The following PITPNC1 variants were observed in gnomAD, a reference collection of about 807,000 sequenced individuals.
PITPNC1 encodes the protein phosphatidylinositol transfer protein cytoplasmic 1, also known as cytoplasmic phosphatidylinositol transfer protein 1.
In PITPNC1, 18 loss-of-function variants were observed where a neutral mutation model predicts 44.7. The ratio of observed to expected loss-of-function variants is 0.40; its 90% CI spans 0.28 to 0.60. PITPNC1 has a LOEUF of 0.60. PITPNC1 is among the 20% of genes least tolerant of loss of function. The pLI is 0.39. For synonymous variants in PITPNC1, 141 were observed against 149.6 expected, an observed-to-expected ratio of 0.94 and a Z score of 0.42; for missense variants, 290 against 418.4, an observed-to-expected ratio of 0.69 and a Z score of 2.68.
In PITPNC1 at chr17:67,444,813, C is replaced by T. The variant is rs1041819610; in HGVS notation, c.48+66611C>T. Among the ~76,000 whole-genome samples, 8 of 151,996 alleles carry T rather than the reference C, an allele frequency of 5.3e-5. 2 individuals carry two copies. Among genetic ancestry groups the T allele is most frequent in the Admixed American group, 6.6e-5 (1 of 15,218 alleles). ...TCGGGAGGCTGAGGCAGGAGAATCT[C>T]TTGAACCCAGGAGGCGGAGGTTGCA... On this transcript the variant is annotated intron_variant, in intron 1 of 8. Coordinates refer to ENST00000581322, the MANE Select transcript of PITPNC1 (RefSeq NM_012417.4).
intron 1 of PITPNC1, among the ~76,000 whole-genome samples, chr17:67,425,259 A>T (rs1483186081): frequency 1.6e-5 from 2 of 127,992 alleles, no homozygotes; most frequent in African/African-American, 5.6e-5. Context: ...ACACACACAC[A>T]CACAGAGGGA....
intron 2 of PITPNC1, among the ~76,000 whole-genome samples, chr17:67,550,852 G>C (rs1281468215): frequency 4.6e-5 from 7 of 152,186 alleles, no homozygotes; most frequent in Non-Finnish European, 1.0e-4. Flanking sequence ...ATGAGGTCAG[G>C]AGATCGAGAC....
In PITPNC1 at chr17:67,640,330, G is replaced by A. The variant is rs547917394; in HGVS notation, c.462+8092G>A. Among the ~76,000 whole-genome samples the A allele has an allele frequency of 1.7e-4, 26 of 152,264 alleles. No homozygotes were observed. In the South Asian group the frequency reaches 3.3e-3, roughly 19 times the overall value. On this transcript the variant is annotated intron_variant, in intron 6 of 8. Transcript: ENST00000581322. ...AAGGGTCCTCAGCAGCTGCCGCATC[G>A]CGGGCCCTGAGCCCTCTCCCCTTCC...
chr17:67,475,857 A>G (rs926017665), intron 1 of PITPNC1, among the ~76,000 whole-genome samples: 3 of 152,142 alleles, frequency 2.0e-5, no homozygotes, highest in South Asian at 4.1e-4. Context: ...GGGACCTCCA[A>G]TCCATTTCTC....
intron 1 of PITPNC1, among the ~76,000 whole-genome samples, chr17:67,424,356 C>A (rs2038714292): frequency 6.6e-6 from 1 of 152,024 alleles, no homozygotes; most frequent in South Asian, 2.1e-4. Context: ...TACCACTTGA[C>A]CTTCAAGAAA....
At chr17:67,500,808 C>T (rs537605745) in intron 1 of PITPNC1, among the ~76,000 whole-genome samples, 1 of 151,794 alleles carries the variant, frequency 6.6e-6, no homozygotes, top group African/African-American at 2.4e-5. Flanking sequence ...CTCAGCCTCC[C>T]GAGTAGCTGG....
chr17:67,632,045 G>A (rs907690644), intron 5 of PITPNC1, 98 bp from the exon 6 acceptor site: 26 of 718,956 alleles, frequency 3.6e-5, no homozygotes, highest in East Asian at 1.5e-4. Flanking sequence ...GCCCTGAGAC[G>A]TGTGAAGATG....
At chr17:67,657,962 T>C (rs2042292139) in intron 6 of PITPNC1, among the ~76,000 whole-genome samples, 1 of 152,258 alleles carries the variant, frequency 6.6e-6, no homozygotes, top group Non-Finnish European at 1.5e-5. Flanking sequence ...GATGCTGGAA[T>C]AGATACCATC....
chr17:67,506,805 T>C (rs2040109148), intron 1 of PITPNC1, among the ~76,000 whole-genome samples: 1 of 152,152 alleles, frequency 6.6e-6, no homozygotes, highest in African/African-American at 2.4e-5. Flanking sequence ...GATAATATAT[T>C]CAGTTAGAAA....
At chr17:67,680,406 C>A (rs1215845761) in intron 8 of PITPNC1, among the ~76,000 whole-genome samples, 1 of 152,080 alleles carries the variant, frequency 6.6e-6, no homozygotes, top group African/African-American at 2.4e-5. Flanking sequence ...TCGAGACCAG[C>A]CTGGCCAACA....
chr17:67,659,769 CAT>C (rs1478337580), intron 6 of PITPNC1, among the ~76,000 whole-genome samples: 1 of 152,090 alleles, frequency 6.6e-6, no homozygotes, highest in Non-Finnish European at 1.5e-5. Context: ...ATTTTTTAAA[CAT>C]ACAAAAAGCT....
chr17:67,449,329 A>C (rs2039144231), intron 1 of PITPNC1, among the ~76,000 whole-genome samples: 1 of 152,172 alleles, frequency 6.6e-6, no homozygotes, highest in Non-Finnish European at 1.5e-5. Context: ...ATTGCTTTTG[A>C]TGGTGGTGCC....
chr17:67,516,358 A>G (rs1352908262), intron 1 of PITPNC1, among the ~76,000 whole-genome samples: 1 of 152,214 alleles, frequency 6.6e-6, no homozygotes, highest in Non-Finnish European at 1.5e-5. Flanking sequence ...GACATTGGGC[A>G]AGTGACTTAA....
intron 1 of PITPNC1, among the ~76,000 whole-genome samples, chr17:67,438,406 C>T (rs1262575328): frequency 6.6e-6 from 1 of 151,412 alleles, no homozygotes; most frequent in East Asian, 2.0e-4. Flanking sequence ...ACCTCTGCCT[C>T]CTGGGTTCAA....
intron 2 of PITPNC1, among the ~76,000 whole-genome samples, chr17:67,541,068 C>T (rs988449629): frequency 6.6e-6 from 1 of 151,924 alleles, no homozygotes; most frequent in Non-Finnish European, 1.5e-5. Context: ...TGCAAAAATT[C>T]GCCAGGAGCG....
At chr17:67,663,644 C>A (rs1378020094) in intron 6 of PITPNC1, among the ~76,000 whole-genome samples, 1 of 151,894 alleles carries the variant, frequency 6.6e-6, no homozygotes, top group African/African-American at 2.4e-5. Context: ...TGACTGCCCC[C>A]TAAGCAGTGT....
At position 67,532,970 on chromosome 17, in the gene PITPNC1, G is replaced by A. The variant is rs369199329; in HGVS notation, c.197+20G>A. The A allele has an allele frequency of 1.8e-4, 294 of 1,595,278 alleles. 2 individuals carry two copies. In the Middle Eastern group the frequency reaches 2.4e-3, roughly 13 times the overall value. On this transcript the variant is annotated intron_variant, in intron 2 of 8. Transcript: ENST00000581322. ...CAACAGGTGAGTCATGGCAGCCTGCGTTCTGCACAGAAGCCCCCTCCCACC... is the reference window on the plus strand; with the variant it reads ...CAACAGGTGAGTCATGGCAGCCTGCATTCTGCACAGAAGCCCCCTCCCACC...
intron 1 of PITPNC1, among the ~76,000 whole-genome samples, chr17:67,463,060 G>A (rs1598698828): frequency 6.6e-6 from 1 of 152,298 alleles, no homozygotes; most frequent in East Asian, 1.9e-4. Flanking sequence ...TAAAGACTTT[G>A]GTTTGCATAT....
chr17:67,619,588 C>T (rs2041804234), intron 5 of PITPNC1, among the ~76,000 whole-genome samples: 2 of 152,152 alleles, frequency 1.3e-5, no homozygotes, highest in Admixed American at 6.6e-5. Context: ...CGCTTACTGC[C>T]GGGGATCCAA....
Sources: gnomAD v4.1 joint callset for allele counts (sites outside exome capture counted in the v4.1 genomes callset) on GRCh38, gnomAD v4.1.1 for gene constraint, MANE v1.5 for transcripts, NCBI Gene and HGNC (gene_info 2026-07-23, HGNC 2026-07-21) for gene names.